CHRNB1: variants seen among roughly 807,000 people sequenced by gnomAD.
CHRNB1 encodes acetylcholine receptor subunit beta.
A neutral mutation model predicts 53.8 loss-of-function variants in CHRNB1; 47 were observed. The ratio of observed to expected loss-of-function variants is 0.87; its 90% CI spans 0.69 to 1.11. CHRNB1 has a LOEUF of 1.11. Ranked by LOEUF, CHRNB1 falls within the 50% of genes most tolerant of loss-of-function variation. The pLI is 0.00. For synonymous variants in CHRNB1, 259 were observed against 263.5 expected (o/e 0.98, Z 0.16); for missense variants, 605 against 654.9 (o/e 0.92, Z 0.83).
chr17:7,446,672 C>A (rs1378859893), intron 3 of CHRNB1, 161 bp from the exon 4 acceptor site: 5 of 623,318 alleles, frequency 8.0e-6, no homozygotes, highest in Admixed American at 7.9e-5. Flanking sequence ...TGGATCCCAG[C>A]GAGTGAAGGC....
chr17:7,449,229 G>A (rs1330657024), intron 7 of CHRNB1, among the ~76,000 whole-genome samples: 1 of 149,958 alleles, frequency 6.7e-6, no homozygotes, highest in South Asian at 2.1e-4. Context: ...TCAGCCTCCC[G>A]AGTAGCTGGG....
At position 7,455,262 on chromosome 17, in the gene CHRNB1, A is replaced by G. The variant is rs766285953; in HGVS notation, c.1045-22A>G. The G allele has an allele frequency of 9.9e-6, 16 of 1,613,730 alleles. No individual in the cohort carries two copies. The South Asian group carries it at 1.3e-4, about 13-fold the overall frequency. ...TCTGAAAGCATGAAAGCCCCCACCA[A>G]TACGCCTCTTCTACTCTGCAGATCT... On this transcript the variant is annotated intron_variant, in intron 8 of 10. Transcript: ENST00000306071.
intron 3 of CHRNB1, 152 bp from the exon 4 acceptor site, chr17:7,446,681 G>GCGGAGC (rs1908645832): frequency 4.7e-6 from 3 of 638,356 alleles, no homozygotes; most frequent in African/African-American, 1.8e-5. Context: ...GCGAGTGAAG[G>GCGGAGC]CGGAGCCAGA....
At chr17:7,451,358 C>A (rs902995928) in intron 7 of CHRNB1, among the ~76,000 whole-genome samples, 1 of 145,632 alleles carries the variant, frequency 6.9e-6, no homozygotes, top group Non-Finnish European at 1.5e-5. Context: ...CTCACTGCAA[C>A]CTCCACCTCC....
chr17:7,449,197 G>A (rs1002535718), intron 7 of CHRNB1, among the ~76,000 whole-genome samples: 3 of 149,550 alleles, frequency 2.0e-5, no homozygotes, highest in African/African-American at 4.9e-5. Context: ...TCTGCCTCCC[G>A]GGTTCACGCC....
At chr17:7,447,220 TC>T (rs1193638304) in intron 5 of CHRNB1, 69 bp downstream of exon 5, 1 of 1,329,212 alleles carries the variant, frequency 7.5e-7, no homozygotes. Flanking sequence ...ACATCCTGAC[TC>T]CCCGGCGACT....
At position 7,456,695 on chromosome 17, in the gene CHRNB1, A is replaced by G; in HGVS notation, c.1478A>G (p.His493Arg). ...GTCATCTTCCTGGACGCCACGTACC[A>G]CTTGCCCCCTCCAGACCCCTTTCCT... ...TLVIFLDATY[H>R]LPPPDPFP Residue 493 changes from histidine to arginine, a missense_variant, in exon 11 of 11, where the codon CAC becomes CGC. Physicochemically the swap from His to Arg is conservative, Grantham distance 29 (BLOSUM62 0). Transcript: ENST00000306071. 6.2e-7 allele frequency: 1 copy of G among 1,614,100 alleles called. No homozygotes were observed. Among genetic ancestry groups the G allele is most frequent in the South Asian group, 1.1e-5 (1 of 91,076 alleles).
In CHRNB1 at chr17:7,445,101, C is replaced by T. The variant is rs752625380; in HGVS notation, c.-27C>T. The T allele has an allele frequency of 9.4e-6, 15 of 1,603,608 alleles. No individual in the cohort carries two copies. The African/African-American group carries it at 1.3e-4, about 14-fold the overall frequency. ...CTGGCGGTCCCAGCGGCTCTCTGAGCGAAGTCACTGAGCGAGCCGCCAGGC... is the reference window on the plus strand; with the variant it reads ...CTGGCGGTCCCAGCGGCTCTCTGAGTGAAGTCACTGAGCGAGCCGCCAGGC... On this transcript the variant is annotated 5_prime_UTR_variant, in exon 1 of 11. Coordinates refer to ENST00000306071, the MANE Select transcript of CHRNB1 (RefSeq NM_000747.3). This position sits in a 1 kb window ranked among gnomAD's most constrained non-coding sequence, Gnocchi z 5.7.
At chr17:7,449,673 G>A (rs145100638) in intron 7 of CHRNB1, among the ~76,000 whole-genome samples, 1 of 151,726 alleles carries the variant, frequency 6.6e-6, no homozygotes, top group Admixed American at 6.6e-5. Flanking sequence ...GCCTCCCAAC[G>A]TACTGGGCTT....
At chr17:7,452,055 T>A (rs1374173906) in intron 7 of CHRNB1, among the ~76,000 whole-genome samples, 1 of 133,708 alleles carries the variant, frequency 7.5e-6, no homozygotes, top group Non-Finnish European at 1.5e-5. Context: ...TCTTTCCTTT[T>A]TCTTTTTTTT....
intron 6 of CHRNB1, 90 bp from the exon 7 acceptor site, chr17:7,448,489 T>C (rs1336973733): frequency 6.4e-6 from 8 of 1,251,364 alleles, no homozygotes; most frequent in Non-Finnish European, 8.1e-6. Context: ...GTCAGCCCTC[T>C]CAGGTCTAGG....
intron 6 of CHRNB1, among the ~76,000 whole-genome samples, chr17:7,447,903 G>A (rs918739203): frequency 4.0e-5 from 6 of 151,698 alleles, no homozygotes; most frequent in African/African-American, 1.5e-4. Context: ...GTGAAACCCC[G>A]TCTCTACTAA....
At position 7,457,316 on chromosome 17, in the gene CHRNB1, T is replaced by TA; in HGVS notation, c.*593_*594insA. ...TGGGCAACAAGAGCGAAACTCCATC[T>TA]CAAAAAAAAAAAAGTGTCTTGTTCA... is the stretch of plus-strand genomic sequence containing the variant. On this transcript the variant is annotated 3_prime_UTR_variant, in exon 11 of 11. Coordinates refer to ENST00000306071, the MANE Select transcript of CHRNB1 (RefSeq NM_000747.3). The TA allele has an allele frequency of 6.5e-6, 1 of 153,588 alleles. No individual in the cohort carries two copies. Among genetic ancestry groups the TA allele is most frequent in the Admixed American group, 6.3e-5 (1 of 15,750 alleles). The allele number at this position is 153,588 out of a possible 1,614,324, so 9.5% of individuals were successfully genotyped here. A position where few individuals can be genotyped will look rare whatever the true frequency, so the allele number is the denominator to read the frequency against.
Position 7,446,333 on chromosome 17 carries a change from G to C in CHRNB1, c.243+220G>C, listed in dbSNP as rs112727010. 13,187 of 244,310 alleles carry C rather than the reference G, an allele frequency of 0.054. 84 individuals are homozygous for C. The highest frequency in any genetic ancestry group is 0.1 in the South Asian group (2,412 of 23,864). The allele number at this position is 244,310 out of a possible 1,614,324, so 15.1% of individuals were successfully genotyped here. On this transcript the variant is annotated intron_variant, in intron 3 of 10. Coordinates refer to ENST00000306071, the MANE Select transcript of CHRNB1 (RefSeq NM_000747.3). ...TGTGTGTGTGTGTGTGTGTCTGTGT[G>C]TGTGTGTGTGTGTGTGTGTGTGTGT...
At chr17:7,454,214 C>A in intron 7 of CHRNB1, 83 bp from the exon 8 acceptor site, 2 of 1,181,380 alleles carry the variant, frequency 1.7e-6, no homozygotes, top group Non-Finnish European at 2.5e-6. Flanking sequence ...CTTTGAATGG[C>A]CTGGAAACAT....
chr17:7,451,780 T>C, intron 7 of CHRNB1, among the ~76,000 whole-genome samples: 1 of 152,150 alleles, frequency 6.6e-6, no homozygotes, highest in Admixed American at 6.5e-5. Context: ...AGGTGCTGTT[T>C]AATCTTGGGC....
chr17:7,456,033 T>C (rs959160608), intron 10 of CHRNB1, 92 bp downstream of exon 10: 9 of 1,073,594 alleles, frequency 8.4e-6, no homozygotes, highest in Non-Finnish European at 1.2e-5. Context: ...GTTTTTTTTG[T>C]GTGGTTTTTT....
Position 7,456,912 on chromosome 17 carries a change from C to T in CHRNB1, c.*189C>T. On this transcript the variant is annotated 3_prime_UTR_variant, in exon 11 of 11. Coordinates refer to ENST00000306071, the MANE Select transcript of CHRNB1 (RefSeq NM_000747.3). Reference sequence around the variant, plus strand: ...CTTGGACCCACCTGAAATGCAGTATCATCTGATTTACTCTTTGGGATCTTG... The same window carrying T: ...CTTGGACCCACCTGAAATGCAGTATTATCTGATTTACTCTTTGGGATCTTG... 1.5e-6 allele frequency: 1 copy of T among 665,754 alleles called. No individual in the cohort carries two copies. Among genetic ancestry groups the T allele is most frequent in the Non-Finnish European group, 2.6e-6 (1 of 391,620 alleles). The allele number at this position is 665,754 out of a possible 1,614,324, so 41.2% of individuals were successfully genotyped here. A position where few individuals can be genotyped will look rare whatever the true frequency, so the allele number is the denominator to read the frequency against.
Position 7,456,568 on chromosome 17 carries a change from T to G in CHRNB1, c.1366-15T>G, listed in dbSNP as rs1168839046. ...TGGGCCCAGAGCTCAGGAAGTTTCC[T>G]TTGCCTACCCACAGCTGAAGGAGGA... On this transcript the variant is annotated splice_polypyrimidine_tract_variant and intron_variant, in intron 10 of 10. Coordinates refer to ENST00000306071, the MANE Select transcript of CHRNB1 (RefSeq NM_000747.3). The G allele has an allele frequency of 2.5e-6, 4 of 1,613,876 alleles. No individual in the cohort carries two copies.
Sources: allele counts gnomAD v4.1 joint callset (sites outside exome capture counted in the v4.1 genomes callset), GRCh38; gene constraint gnomAD v4.1.1; non-coding constraint Gnocchi (gnomAD v3.1); transcripts MANE v1.5; gene names NCBI Gene and HGNC (gene_info 2026-07-23, HGNC 2026-07-21).